The following CLSTN2 variants were observed in gnomAD, a reference collection of about 807,000 sequenced individuals.
The protein encoded by CLSTN2 is calsyntenin-2.
Under a neutral mutation model 101.2 loss-of-function variants are expected in CLSTN2, and 48 were observed. The ratio of observed to expected loss-of-function variants is 0.47; its 90% CI spans 0.38 to 0.60. CLSTN2 has a LOEUF of 0.60. Among genes scored for constraint, CLSTN2 ranks in the 20% least tolerant of loss-of-function variants. CLSTN2 has a pLI of 0.00. For missense variants in CLSTN2, 1,160 were observed against 1,238.2 expected (o/e 0.94, Z 0.95); for synonymous variants, 481 against 463.6 (o/e 1.04, Z -0.48).
At chr3:140,252,663 A>G (rs2086574242) in intron 2 of CLSTN2, among the ~76,000 whole-genome samples, 1 of 152,148 alleles carries the variant, frequency 6.6e-6, no homozygotes, top group African/African-American at 2.4e-5. Context: ...GGTCATTTGG[A>G]CACATGTGAA....
At chr3:140,076,223 G>C (rs2008485301) in intron 1 of CLSTN2, among the ~76,000 whole-genome samples, 1 of 152,166 alleles carries the variant, frequency 6.6e-6, no homozygotes, top group Admixed American at 6.5e-5. Flanking sequence ...CCTTGTTGTT[G>C]CCTATGGCAG....
At chr3:140,356,899 C>T (rs1338297975) in intron 2 of CLSTN2, among the ~76,000 whole-genome samples, 1 of 152,108 alleles carries the variant, frequency 6.6e-6, no homozygotes, top group Non-Finnish European at 1.5e-5. Flanking sequence ...TCTGTGGAGA[C>T]CATGCTCTGC....
chr3:140,441,662 C>T (rs1052965325), intron 5 of CLSTN2, among the ~76,000 whole-genome samples: 1 of 152,232 alleles, frequency 6.6e-6, no homozygotes, highest in African/African-American at 2.4e-5. Context: ...CTTGGCCCTA[C>T]CCACCGTTGG....
Position 140,278,543 on chromosome 3 carries a change from C to G in CLSTN2, c.232+102470C>G, listed in dbSNP as rs970014493. On this transcript the variant is annotated intron_variant, in intron 2 of 16. Coordinates refer to ENST00000458420, the MANE Select transcript of CLSTN2 (RefSeq NM_022131.3). ...TCAGCCTACAAGGCTATGTCACCAG[C>G]AGACAATGAATTCTGCAAGGATGAG... 2.3e-4 allele frequency among the ~76,000 whole-genome samples: 35 copies of G among 152,292 alleles called. 1 individual carries two copies. The highest frequency in any genetic ancestry group is 7.7e-4 in the African/African-American group (32 of 41,564).
intron 5 of CLSTN2, among the ~76,000 whole-genome samples, chr3:140,441,726 C>G (rs922363892): frequency 2.0e-5 from 3 of 152,200 alleles, no homozygotes; most frequent in Non-Finnish European, 4.4e-5. Flanking sequence ...GAAGGCGAAT[C>G]TCAGAAGTCA....
At chr3:140,076,386 G>C (rs1485090427) in intron 1 of CLSTN2, among the ~76,000 whole-genome samples, 2 of 152,090 alleles carry the variant, frequency 1.3e-5, no homozygotes, top group Non-Finnish European at 2.9e-5. Context: ...CAGACTTCCT[G>C]GGTTATTTTT....
At chr3:140,137,873 G>A (rs1012088398) in intron 1 of CLSTN2, among the ~76,000 whole-genome samples, 16 of 152,148 alleles carry the variant, frequency 1.1e-4, no homozygotes, top group African/African-American at 3.9e-4. Flanking sequence ...CAGCATCAGG[G>A]TTTGAATTTA....
chr3:140,013,966 GTCATCCCT>G (rs2007143297), intron 1 of CLSTN2, among the ~76,000 whole-genome samples: 1 of 152,182 alleles, frequency 6.6e-6, no homozygotes, highest in East Asian at 1.9e-4. Context: ...AACTATGTAA[GTCATCCCT>G]TGTTCCCTTT....
chr3:140,552,041 G>A (rs1216131470), intron 10 of CLSTN2, among the ~76,000 whole-genome samples: 2 of 152,176 alleles, frequency 1.3e-5, no homozygotes, highest in South Asian at 2.1e-4. Flanking sequence ...GCAGGCAGGT[G>A]TCATAGGGAG....
Position 140,404,777 on chromosome 3 carries a change from TCA to T in CLSTN2, c.637+12_637+13del, listed in dbSNP as rs775847202. The T allele has an allele frequency of 5.0e-6, 8 of 1,611,492 alleles. No homozygotes were observed. The highest frequency in any genetic ancestry group is 6.8e-6 in the Non-Finnish European group (8 of 1,177,584). On this transcript the variant is annotated intron_variant, in intron 4 of 16. Coordinates refer to ENST00000458420, the MANE Select transcript of CLSTN2 (RefSeq NM_022131.3). ...CCATCGACAGAAATGGTGAGTGACCTCAGAGGACCCCTGTGGGGTCAGGAAAA... is the reference window on the plus strand; with the variant it reads ...CCATCGACAGAAATGGTGAGTGACCTGAGGACCCCTGTGGGGTCAGGAAAA...
chr3:140,262,470 T>C (rs954842618), intron 2 of CLSTN2, among the ~76,000 whole-genome samples: 1 of 140,070 alleles, frequency 7.1e-6, no homozygotes, highest in African/African-American at 2.7e-5. Flanking sequence ...ATGAAATTAT[T>C]TTTTATGATG....
At chr3:140,103,890 TA>T (rs2009009331) in intron 1 of CLSTN2, among the ~76,000 whole-genome samples, 1 of 152,132 alleles carries the variant, frequency 6.6e-6, no homozygotes, top group South Asian at 2.1e-4. Context: ...TGTGCAACAA[TA>T]CAGAATAATA....
chr3:140,247,034 C>T (rs778829794), intron 2 of CLSTN2, among the ~76,000 whole-genome samples: 26 of 152,286 alleles, frequency 1.7e-4, no homozygotes, highest in Middle Eastern at 3.4e-3. Flanking sequence ...GAATGTAGAA[C>T]ACATCCACCC....
chr3:140,474,836 G>A (rs937717701), intron 8 of CLSTN2, among the ~76,000 whole-genome samples: 1 of 152,132 alleles, frequency 6.6e-6, no homozygotes, highest in East Asian at 1.9e-4. Flanking sequence ...AACCACAGCA[G>A]TGTTATCACC....
chr3:139,970,523 A>G (rs1173956199), intron 1 of CLSTN2, among the ~76,000 whole-genome samples: 1 of 152,202 alleles, frequency 6.6e-6, no homozygotes, highest in African/African-American at 2.4e-5. Flanking sequence ...CATGTGTGAA[A>G]GCCCTTAGTG....
At chr3:140,316,398 A>T (rs1012782893) in intron 2 of CLSTN2, among the ~76,000 whole-genome samples, 1 of 152,222 alleles carries the variant, frequency 6.6e-6, no homozygotes, top group African/African-American at 2.4e-5. Flanking sequence ...CAAATTCAAT[A>T]GCATATATCA....
intron 1 of CLSTN2, among the ~76,000 whole-genome samples, chr3:140,135,117 C>CACACACACAT (rs1488268767): frequency 3.4e-5 from 2 of 58,118 alleles, no homozygotes; most frequent in South Asian, 6.4e-4. Flanking sequence ...CACACACACA[C>CACACACACAT]ATATATATAT....
chr3:140,045,761 T>G lies in CLSTN2; in HGVS notation c.109+110278T>G, dbSNP rs576842352. Among the ~76,000 whole-genome samples, 481 of 152,354 alleles carry G rather than the reference T, an allele frequency of 3.2e-3. 2 individuals carry two copies. The highest frequency in any genetic ancestry group is 0.011 in the African/African-American group (458 of 41,588). On this transcript the variant is annotated intron_variant, in intron 1 of 16. Transcript: ENST00000458420. ...TCAAAGAACATCTTTATTTCTGCCT[T>G]CATTTCGTTATGTACCCAGTAGTCA...
At chr3:140,059,659 G>A (rs185805193) in intron 1 of CLSTN2, among the ~76,000 whole-genome samples, 19 of 152,194 alleles carry the variant, frequency 1.2e-4, no homozygotes, top group Admixed American at 3.9e-4. Flanking sequence ...GAGAGGATGA[G>A]GTCAGGGCAG....
Sources: gnomAD v4.1 joint callset for allele counts (sites outside exome capture counted in the v4.1 genomes callset) on GRCh38, gnomAD v4.1.1 for gene constraint, MANE v1.5 for transcripts, NCBI Gene and HGNC (gene_info 2026-07-23, HGNC 2026-07-21) for gene names.